Variants in S1PR5 observed in about 807,000 individuals in gnomAD.
The protein encoded by S1PR5 is sphingosine 1-phosphate receptor 5.
For missense variants in S1PR5, 583 were observed against 571.7 expected (o/e 1.02, Z -0.20); for synonymous variants, 307 against 284.7 (o/e 1.08, Z -0.79).
chr19:10,517,633 G>A, upstream of S1PR5: 1 of 985,380 alleles, frequency 1.0e-6, no homozygotes, highest in South Asian at 4.7e-5. Context: ...TGGCACAGGC[G>A]AGCCCTCAGC....
In S1PR5 at chr19:10,514,695, G is replaced by T. The variant is rs750353791; in HGVS notation, c.317C>A (p.Ala106Glu). ...GCCTCCCTCCCGTGCGAACCAGAGC[G>T]CGGGGGACAGTTTCAGCGTGAGCGG... ...SGPLTLKLSP[A>E]LWFAREGGVF... is the part of the protein sequence containing the mutation. The change falls in exon 2 of 2, where the codon GCG becomes GAG. Residue 106 changes from alanine to glutamate, a missense_variant. By Grantham distance (107) the Ala-to-Glu change is moderately radical. Transcript: ENST00000333430. 1.2e-6 allele frequency: 2 copies of T among 1,609,782 alleles called. No individual in the cohort carries two copies. Among genetic ancestry groups the T allele is most frequent in the Non-Finnish European group, 8.5e-7 (1 of 1,178,944 alleles).
chr19:10,515,240 A>C (rs950004883), intron 1 of S1PR5, among the ~76,000 whole-genome samples: 2 of 152,170 alleles, frequency 1.3e-5, no homozygotes, highest in Non-Finnish European at 2.9e-5. Context: ...ATAGTCCCAA[A>C]AAAAGGGACA....
At chr19:10,515,407 C>T (rs184932904) in intron 1 of S1PR5, among the ~76,000 whole-genome samples, 45 of 151,968 alleles carry the variant, frequency 3.0e-4, no homozygotes, top group Non-Finnish European at 4.7e-4. Context: ...GTCAGGAGAT[C>T]GAGACCATCC....
In S1PR5 at chr19:10,514,451, C is replaced by T; in HGVS notation, c.561G>A (p.Pro187=). Residue 187 remains proline, a synonymous_variant, in exon 2 of 2, where the codon CCG becomes CCA. Coordinates refer to ENST00000333430, the MANE Select transcript of S1PR5 (RefSeq NM_030760.5). ...GRLDACSTVL[P]LYAKAYVLFC... Reference sequence around the variant, plus strand: ...AGAGCACGTAGGCCTTGGCGTAGAGCGGCAAGACAGTGGAGCAAGCGTCCA... The same window carrying T: ...AGAGCACGTAGGCCTTGGCGTAGAGTGGCAAGACAGTGGAGCAAGCGTCCA... The T allele has an allele frequency of 5.0e-6, 8 of 1,609,422 alleles. No individual in the cohort carries two copies. Among genetic ancestry groups the T allele is most frequent in the Non-Finnish European group, 6.8e-6 (8 of 1,178,342 alleles).
Position 10,514,697 on chromosome 19 carries a change from G to A in S1PR5, c.315C>T (p.Pro105=), listed in dbSNP as rs758368917. The change falls in exon 2 of 2, where the codon CCC becomes CCT. Residue 105 remains proline, a synonymous_variant. Transcript: ENST00000333430. ...CTCCCTCCCGTGCGAACCAGAGCGC[G>A]GGGGACAGTTTCAGCGTGAGCGGCC... ...LSGPLTLKLS[P]ALWFAREGGV... is the part of the protein sequence containing the mutation. 3 of 1,609,914 alleles carry A rather than the reference G, an allele frequency of 1.9e-6. No individual in the cohort carries two copies. Among genetic ancestry groups the A allele is most frequent in the Non-Finnish European group, 2.5e-6 (3 of 1,178,956 alleles).
Position 10,513,939 on chromosome 19 carries a change from C to G in S1PR5, c.1073G>C (p.Gly358Ala). ...TGAGCGCTCCGAGCCGCTGAAGCTCCCATCAAGGCCCGGGGGCAGGCAGCG... is the reference window on the plus strand; with the variant it reads ...TGAGCGCTCCGAGCCGCTGAAGCTCGCATCAAGGCCCGGGGGCAGGCAGCG... The part of the protein sequence containing the change: ...LRRCLPPGLD[G>A]SFSGSERSSP... Residue 358 changes from glycine to alanine, a missense_variant, in exon 2 of 2, where the codon GGG becomes GCG. By Grantham distance (60) the Gly-to-Ala change is moderately conservative (BLOSUM62 0). Coordinates refer to ENST00000333430, the MANE Select transcript of S1PR5 (RefSeq NM_030760.5). The G allele has an allele frequency of 1.2e-6, 2 of 1,602,904 alleles. No homozygotes were observed. Among genetic ancestry groups the G allele is most frequent in the Non-Finnish European group, 1.7e-6 (2 of 1,175,746 alleles).
rs776940016 is a variant in S1PR5, at chr19:10,513,937, T to G, written c.1075A>C (p.Ser359Arg). ...RRCLPPGLDG[S>R]FSGSERSSPQ... ...GATGAGCGCTCCGAGCCGCTGAAGCTCCCATCAAGGCCCGGGGGCAGGCAG... is the reference window on the plus strand; with the variant it reads ...GATGAGCGCTCCGAGCCGCTGAAGCGCCCATCAAGGCCCGGGGGCAGGCAG... Residue 359 changes from serine (S) to arginine (R), a missense_variant, in exon 2 of 2, where the codon AGC becomes CGC. By Grantham distance (110) the Ser-to-Arg change is moderately radical (BLOSUM62 -1). Transcript: ENST00000333430. 3.7e-6 allele frequency: 6 copies of G among 1,604,302 alleles called. No homozygotes were observed. Among genetic ancestry groups the G allele is most frequent in the South Asian group, 1.1e-5 (1 of 90,524 alleles).
chr19:10,513,684 G>C lies in S1PR5; in HGVS notation c.*131C>G. 1 of 1,272,712 alleles carries C rather than the reference G, an allele frequency of 7.9e-7. No individual in the cohort carries two copies. The highest frequency in any genetic ancestry group is 2.4e-5 in the Admixed American group (1 of 41,594). The allele number at this position is 1,272,712 out of a possible 1,614,324, so 78.8% of individuals were successfully genotyped here. A position where few individuals can be genotyped will look rare whatever the true frequency, so the allele number is the denominator to read the frequency against. On this transcript the variant is annotated 3_prime_UTR_variant, in exon 2 of 2. Coordinates refer to ENST00000333430, the MANE Select transcript of S1PR5 (RefSeq NM_030760.5). ...TTTTTGTCTGTTTGTTCACATTGTG[G>C]GGTGTCGCTGCATAAATACATTTCC... is the stretch of plus-strand genomic sequence containing the variant.
At position 10,515,561 on chromosome 19, in the gene S1PR5, C is replaced by T. The variant is rs547591987; in HGVS notation, c.-18-532G>A. ...CCAGGAGGCGGAGGTTGCAGTGAGC[C>T]GAGATCGCATCACTGCACTCCAACC... On this transcript the variant is annotated intron_variant, in intron 1 of 1. Transcript: ENST00000333430. Among the ~76,000 whole-genome samples the T allele has an allele frequency of 5.9e-5, 9 of 152,056 alleles. No homozygotes were observed. In the East Asian group the frequency reaches 1.5e-3, roughly 26 times the overall value.
rs1315399981 is a variant in S1PR5 at position 10,514,917 on chromosome 19, G to A, written c.95C>T (p.Pro32Leu). 2.5e-6 allele frequency: 4 copies of A among 1,610,078 alleles called. No individual in the cohort carries two copies. Among genetic ancestry groups the A allele is most frequent in the Middle Eastern group, 1.7e-4 (1 of 5,984 alleles). The part of the protein sequence containing the change: ...TGKLRGARYQ[P>L]GAGLRADAVV... Reference sequence around the variant, plus strand: ...GGCGTCGGCGCGCAGGCCGGCACCCGGCTGGTAGCGCGCACCGCGGAGCTT... The same window carrying A: ...GGCGTCGGCGCGCAGGCCGGCACCCAGCTGGTAGCGCGCACCGCGGAGCTT... Residue 32 changes from proline to leucine, a missense_variant, in exon 2 of 2, where the codon CCG (proline) becomes CTG (leucine). Coordinates refer to ENST00000333430, the MANE Select transcript of S1PR5 (RefSeq NM_030760.5).
chr19:10,517,507 C>G (rs984527240), upstream of S1PR5: 96 of 985,456 alleles, frequency 9.7e-5, no homozygotes, highest in Non-Finnish European at 1.1e-4. Flanking sequence ...GGGCCAGCGA[C>G]GCAAAGGGCC....
chr19:10,514,374 G>C lies in S1PR5; in HGVS notation c.638C>G (p.Ala213Gly). The C allele has an allele frequency of 6.3e-7, 1 of 1,593,478 alleles. No individual in the cohort carries two copies. The highest frequency in any genetic ancestry group is 8.5e-7 in the Non-Finnish European group (1 of 1,171,430). The change falls in exon 2 of 2, where the codon GCG becomes GGG. Residue 213 changes from alanine (A) to glycine (G), a missense_variant. Physicochemically the swap from Ala to Gly is moderately conservative, Grantham distance 60. Coordinates refer to ENST00000333430, the MANE Select transcript of S1PR5 (RefSeq NM_030760.5). ...GGCGCGTACCTGGCAGTAGATGCGC[G>C]CGTAGAGTGCACAGATAGCGGCCAG... ...GILAAICALY[A>G]RIYCQVRANA...
chr19:10,513,479 T>C lies in S1PR5; in HGVS notation c.*336A>G. 1 of 495,944 alleles carries C rather than the reference T, an allele frequency of 2.0e-6. No homozygotes were observed. The highest frequency in any genetic ancestry group is 3.5e-6 in the Non-Finnish European group (1 of 285,334). The allele number at this position is 495,944 out of a possible 1,614,324, so 30.7% of individuals were successfully genotyped here. A position where few individuals can be genotyped will look rare whatever the true frequency, so the allele number is the denominator to read the frequency against. On this transcript the variant is annotated 3_prime_UTR_variant, in exon 2 of 2. Coordinates refer to ENST00000333430, the MANE Select transcript of S1PR5 (RefSeq NM_030760.5). ...ATTCCCTCATCCTGAAATGCTTTTCTTTTGGTCTTCCCAGGACAGAGGTCT... is the reference window on the plus strand; with the variant it reads ...ATTCCCTCATCCTGAAATGCTTTTCCTTTGGTCTTCCCAGGACAGAGGTCT...
chr19:10,515,665 C>T (rs1915422461), intron 1 of S1PR5, among the ~76,000 whole-genome samples: 2 of 152,020 alleles, frequency 1.3e-5, no homozygotes, highest in Admixed American at 6.6e-5. Context: ...TGGTGGCTCA[C>T]TCCTGTAATT....
chr19:10,515,021 G>A lies in S1PR5; in HGVS notation c.-10C>T. 1 of 1,536,400 alleles carries A rather than the reference G, an allele frequency of 6.5e-7. No individual in the cohort carries two copies. Among genetic ancestry groups the A allele is most frequent in the Non-Finnish European group, 8.7e-7 (1 of 1,148,706 alleles). On this transcript the variant is annotated 5_prime_UTR_variant, in exon 2 of 2. Coordinates refer to ENST00000333430, the MANE Select transcript of S1PR5 (RefSeq NM_030760.5). ...GCAGCCCCGACTCCATGGGCCGCGC[G>A]CCCCAAGGCTGTTGGAGAGGCAAGA...
rs533871955 is a variant in S1PR5 at position 10,513,851 on chromosome 19, G to A, written c.1161C>T (p.Ala387=). Residue 387 remains alanine, a synonymous_variant, in exon 2 of 2, where the codon GCC becomes GCT. Coordinates refer to ENST00000333430, the MANE Select transcript of S1PR5 (RefSeq NM_030760.5). ...GSTGSPGAPT[A]ARTLVSEPAA... ...CCGGTTCTGATACCAGAGTCCGGGCGGCTGTGGGTGCACCGGGGCTGCCTG... is the reference window on the plus strand; with the variant it reads ...CCGGTTCTGATACCAGAGTCCGGGCAGCTGTGGGTGCACCGGGGCTGCCTG... 5.6e-5 allele frequency: 90 copies of A among 1,612,448 alleles called. 1 individual carries two copies. The African/African-American group carries it at 9.3e-4, about 17-fold the overall frequency.
Position 10,514,296 on chromosome 19 carries a change from C to G in S1PR5, c.716G>C (p.Arg239Pro). Residue 239 changes from arginine (R) to proline (P), a missense_variant, in exon 2 of 2, where the codon CGG becomes CCG. By Grantham distance (103) the Arg-to-Pro change is moderately radical (BLOSUM62 -2). Coordinates refer to ENST00000333430, the MANE Select transcript of S1PR5 (RefSeq NM_030760.5). Reference protein sequence around the residue: ...RPGTAGTTSTRARRKPRSLAL... With the variant: ...RPGTAGTTSTPARRKPRSLAL... Reference sequence around the variant, plus strand: ...CAGCGAGCGCGGCTTGCGACGCGCCCGGGTCGAGGTGGTCCCCGCAGTCCC... The same window carrying G: ...CAGCGAGCGCGGCTTGCGACGCGCCGGGGTCGAGGTGGTCCCCGCAGTCCC... The G allele has an allele frequency of 1.3e-6, 2 of 1,568,014 alleles. No individual in the cohort carries two copies. Among genetic ancestry groups the G allele is most frequent in the South Asian group, 1.2e-5 (1 of 86,510 alleles).
intron 1 of S1PR5, 110 bp from the exon 2 acceptor site, chr19:10,515,139 A>C: frequency 1.3e-5 from 18 of 1,368,624 alleles, no homozygotes; most frequent in Non-Finnish European, 1.7e-5. Flanking sequence ...CACCCCCTAT[A>C]CATGGTGTCC....
At position 10,514,701 on chromosome 19, in the gene S1PR5, G is replaced by A. The variant is rs910975294; in HGVS notation, c.311C>T (p.Ser104Phe). 1 of 1,610,318 alleles carries A rather than the reference G, an allele frequency of 6.2e-7. No homozygotes were observed. Among genetic ancestry groups the A allele is most frequent in the Non-Finnish European group, 8.5e-7 (1 of 1,179,088 alleles). ...CTCCCGTGCGAACCAGAGCGCGGGG[G>A]ACAGTTTCAGCGTGAGCGGCCCCGA... is the stretch of plus-strand genomic sequence containing the variant. ...LLSGPLTLKLSPALWFAREGG... is the reference protein window; with the variant it reads ...LLSGPLTLKLFPALWFAREGG... The change falls in exon 2 of 2, where the codon TCC becomes TTC. Residue 104 changes from serine to phenylalanine, a missense_variant. Ser to Phe is a radical substitution (Grantham distance 155). Coordinates refer to ENST00000333430, the MANE Select transcript of S1PR5 (RefSeq NM_030760.5).
Sources: allele counts gnomAD v4.1 joint callset (sites outside exome capture counted in the v4.1 genomes callset), GRCh38; gene constraint gnomAD v4.1.1; transcripts MANE v1.5; gene names NCBI Gene and HGNC (gene_info 2026-07-23, HGNC 2026-07-21).